The following TTC39B variants were observed in gnomAD, a reference collection of about 807,000 sequenced individuals.
TTC39B encodes tetratricopeptide repeat protein 39B.
TTC39B carries 92 observed loss-of-function variants against 96.6 expected under a neutral mutation model. The ratio of observed to expected loss-of-function variants is 0.95; its 90% CI spans 0.80 to 1.13. TTC39B has a LOEUF of 1.13. Among genes scored for constraint, TTC39B ranks in the 50% most tolerant of loss-of-function variants. TTC39B has a pLI of 0.00. For synonymous variants in TTC39B, 367 were observed against 299.4 expected, an observed-to-expected ratio of 1.23 and a Z score of -2.33; for missense variants, 955 against 809.3, an observed-to-expected ratio of 1.18 and a Z score of -2.18.
At chr9:15,235,097 T>G (rs1186041825) in intron 2 of TTC39B, among the ~76,000 whole-genome samples, 3 of 150,980 alleles carry the variant, frequency 2.0e-5, no homozygotes, top group South Asian at 4.2e-4. Flanking sequence ...AAATGAAAAA[T>G]TCACTTAAGA....
intron 3 of TTC39B, among the ~76,000 whole-genome samples, chr9:15,216,681 T>C (rs866965695): frequency 7.9e-5 from 12 of 152,182 alleles, no homozygotes; most frequent in African/African-American, 2.4e-4. Flanking sequence ...GACCCATTTC[T>C]TTCCCCATCG....
At chr9:15,300,341 C>T (rs2131619320) in intron 1 of TTC39B, among the ~76,000 whole-genome samples, 1 of 152,294 alleles carries the variant, frequency 6.6e-6, no homozygotes, top group East Asian at 1.9e-4. Flanking sequence ...TCCCTCACTG[C>T]ACCACTGACC....
At chr9:15,236,409 G>A (rs1409786072) in intron 2 of TTC39B, among the ~76,000 whole-genome samples, 1 of 152,172 alleles carries the variant, frequency 6.6e-6, no homozygotes, top group Non-Finnish European at 1.5e-5. Context: ...TCACTAGACA[G>A]ATCATCGAGG....
chr9:15,257,301 T>C (rs1157050189), intron 2 of TTC39B, among the ~76,000 whole-genome samples: 2 of 152,188 alleles, frequency 1.3e-5, no homozygotes, highest in Admixed American at 1.3e-4. Flanking sequence ...AATTATCATG[T>C]CTAGGATTTG....
At chr9:15,219,333 A>G (rs886830568) in intron 3 of TTC39B, among the ~76,000 whole-genome samples, 2 of 151,698 alleles carry the variant, frequency 1.3e-5, no homozygotes, top group African/African-American at 4.8e-5. Flanking sequence ...ACCTGCCCCA[A>G]CTCCCCTGCT....
At chr9:15,193,601 G>C (rs1469391586) in intron 8 of TTC39B, among the ~76,000 whole-genome samples, 1 of 152,174 alleles carries the variant, frequency 6.6e-6, no homozygotes, top group African/African-American at 2.4e-5. Context: ...ATCCCCTGCT[G>C]TCATTTCCCC....
At chr9:15,242,419 A>G (rs753421937) in intron 2 of TTC39B, among the ~76,000 whole-genome samples, 33 of 152,172 alleles carry the variant, frequency 2.2e-4, no homozygotes, top group Non-Finnish European at 4.4e-4. Context: ...CCATCTCTAC[A>G]AAAAATACGA....
chr9:15,264,948 G>C (rs1345514155), intron 2 of TTC39B, among the ~76,000 whole-genome samples: 1 of 151,926 alleles, frequency 6.6e-6, no homozygotes, highest in African/African-American at 2.4e-5. Context: ...AGTTGTTTTT[G>C]TGCAAACACA....
chr9:15,297,257 C>A (rs1282917727), intron 1 of TTC39B, among the ~76,000 whole-genome samples: 1 of 152,184 alleles, frequency 6.6e-6, no homozygotes, highest in Non-Finnish European at 1.5e-5. Flanking sequence ...CCTCATGAAG[C>A]CCAGGTCGAA....
intron 3 of TTC39B, among the ~76,000 whole-genome samples, chr9:15,220,846 G>T (rs755983619): frequency 2.6e-5 from 4 of 152,054 alleles, no homozygotes; most frequent in Non-Finnish European, 5.9e-5. Flanking sequence ...TCAGATTCAG[G>T]CTACACATTT....
chr9:15,275,404 A>G (rs1241708671), intron 1 of TTC39B, among the ~76,000 whole-genome samples: 1 of 152,176 alleles, frequency 6.6e-6, no homozygotes, highest in Admixed American at 6.5e-5. Flanking sequence ...GTAAGGTTCT[A>G]TGTTTTTTAA....
intron 1 of TTC39B, among the ~76,000 whole-genome samples, chr9:15,282,864 T>C (rs1823818788): frequency 6.6e-6 from 1 of 152,184 alleles, no homozygotes; most frequent in East Asian, 1.9e-4. Context: ...CTCATTCTCA[T>C]TAAAGCTTTT....
At chr9:15,206,233 G>C (rs911788735) in intron 6 of TTC39B, among the ~76,000 whole-genome samples, 12 of 151,830 alleles carry the variant, frequency 7.9e-5, no homozygotes, top group Non-Finnish European at 1.0e-4. Flanking sequence ...AACCCATTTG[G>C]GGCAATCCGC....
chr9:15,216,397 T>C (rs1820519468), intron 3 of TTC39B, among the ~76,000 whole-genome samples: 1 of 152,196 alleles, frequency 6.6e-6, no homozygotes, highest in Non-Finnish European at 1.5e-5. Flanking sequence ...AGACACCTCC[T>C]CTAGGATGGA....
intron 3 of TTC39B, among the ~76,000 whole-genome samples, chr9:15,218,053 C>T (rs546690331): frequency 5.8e-4 from 87 of 150,476 alleles, no homozygotes; most frequent in African/African-American, 2.0e-3. Context: ...ACTCAAAATA[C>T]AAAAATTAGC....
rs1818480205 is a variant in TTC39B at position 15,185,581 on chromosome 9, CT to C, written c.1488-176del. 2.8e-5 allele frequency: 26 copies of C among 925,340 alleles called. No individual in the cohort carries two copies. The South Asian group carries it at 3.5e-4, about 12-fold the overall frequency. The allele number at this position is 925,340 out of a possible 1,614,324, so 57.3% of individuals were successfully genotyped here. ...TACTCTAGACCTACTGAATCAGCAA[CT>C]CCAGGGCCGGGGCCGAGCAATCTAG... On this transcript the variant is annotated intron_variant, in intron 15 of 19. Transcript: ENST00000512701.
intron 6 of TTC39B, among the ~76,000 whole-genome samples, chr9:15,208,548 T>A (rs74359196): frequency 0.062 from 9,401 of 152,250 alleles, 326 homozygotes; most frequent in Non-Finnish European, 0.07. Context: ...CCCATTTTAG[T>A]GAACTTTAGG....
intron 3 of TTC39B, among the ~76,000 whole-genome samples, chr9:15,222,014 T>C (rs1398673077): frequency 6.6e-6 from 1 of 152,220 alleles, no homozygotes; most frequent in African/African-American, 2.4e-5. Flanking sequence ...GAAGGCTAAA[T>C]GAATTCGGAA....
chr9:15,261,374 G>A (rs1822939299), intron 2 of TTC39B, among the ~76,000 whole-genome samples: 1 of 152,058 alleles, frequency 6.6e-6, no homozygotes, highest in Non-Finnish European at 1.5e-5. Context: ...TACTTGGGAG[G>A]CTAGGTGGGA....
Sources: allele counts gnomAD v4.1 joint callset (sites outside exome capture counted in the v4.1 genomes callset), GRCh38; gene constraint gnomAD v4.1.1; transcripts MANE v1.5; gene names NCBI Gene and HGNC (gene_info 2026-07-23, HGNC 2026-07-21).